The following ARL1 variants were observed in gnomAD, a reference collection of about 807,000 sequenced individuals.
The protein encoded by ARL1 is ARF like GTPase 1, also known as ADP-ribosylation factor-like protein 1.
ARL1 carries 17 observed loss-of-function variants against 30.1 expected under a neutral mutation model. The observed-to-expected ratio is 0.56, with a 90% CI of 0.39 to 0.85. ARL1 has a LOEUF of 0.85. Among genes scored for constraint, ARL1 ranks in the 40% least tolerant of loss-of-function variants. The probability of loss-of-function intolerance (pLI) is 0.00; values close to 1 mark genes in which losing one functional copy is unlikely to be tolerated. For synonymous variants in ARL1, 58 were observed against 71.7 expected (o/e 0.81, Z 0.97); for missense variants, 102 against 212.6 (o/e 0.48, Z 3.24).
At chr12:101,405,151 G>A (rs1871404569) in intron 2 of ARL1, among the ~76,000 whole-genome samples, 1 of 152,166 alleles carries the variant, frequency 6.6e-6, no homozygotes, top group South Asian at 2.1e-4. Flanking sequence ...CATTACAGGC[G>A]TGAGCTCCTG....
Position 101,396,594 on chromosome 12 carries a change from A to C in ARL1, c.337-17T>G. ...CTCTTCTTCCTAAATGAAATTGAAA[A>C]TATTTAATTTCTTTTAACTAATGTG... is the stretch of plus-strand genomic sequence containing the variant. On this transcript the variant is annotated splice_polypyrimidine_tract_variant and intron_variant, in intron 4 of 5. Coordinates refer to ENST00000261636, the MANE Select transcript of ARL1 (RefSeq NM_001177.6). 1 of 1,601,080 alleles carries C rather than the reference A, an allele frequency of 6.2e-7. No individual in the cohort carries two copies. The highest frequency in any genetic ancestry group is 8.5e-7 in the Non-Finnish European group (1 of 1,171,630).
intron 4 of ARL1, 151 bp downstream of exon 4, chr12:101,400,911 A>T: frequency 1.6e-6 from 1 of 621,432 alleles, no homozygotes; most frequent in Middle Eastern, 4.3e-4. Flanking sequence ...AACCCTCCTC[A>T]ACTGTATTTT....
intron 2 of ARL1, 111 bp downstream of exon 2, chr12:101,405,733 T>G: frequency 8.4e-7 from 1 of 1,192,894 alleles, no homozygotes; most frequent in Non-Finnish European, 1.1e-6. Flanking sequence ...TTGGACAACA[T>G]AGTGATGATA....
rs374082637 is a variant in ARL1 at position 101,405,990 on chromosome 12, T to C, written c.5-9A>G. The stretch of plus-strand genomic sequence containing the variant: ...ACTTGAGAAAAAGCCACCTAAAAAA[T>C]AATAAAAGAAAAAACATACACAATG... On this transcript the variant is annotated splice_polypyrimidine_tract_variant and intron_variant, in intron 1 of 5. Transcript: ENST00000261636. 67 of 1,548,260 alleles carry C rather than the reference T, an allele frequency of 4.3e-5. No homozygotes were observed. The highest frequency in any genetic ancestry group is 5.7e-5 in the Non-Finnish European group (65 of 1,147,530).
At chr12:101,404,303 G>C (rs1263602205) in intron 2 of ARL1, among the ~76,000 whole-genome samples, 3 of 152,068 alleles carry the variant, frequency 2.0e-5, no homozygotes, top group Non-Finnish European at 2.9e-5. Context: ...CTTGAGCCCA[G>C]GAGGTAGAGG....
At position 101,394,239 on chromosome 12, in the gene ARL1, G is replaced by A. The variant is rs1250018118; in HGVS notation, c.*1401C>T. The A allele has an allele frequency of 6.6e-6, 1 of 152,132 alleles. No homozygotes were observed. The highest frequency in any genetic ancestry group is 2.4e-5 in the African/African-American group (1 of 41,432). The allele number at this position is 152,132 out of a possible 1,614,324, so 9.4% of individuals were successfully genotyped here. On this transcript the variant is annotated 3_prime_UTR_variant, in exon 6 of 6. Coordinates refer to ENST00000261636, the MANE Select transcript of ARL1 (RefSeq NM_001177.6). ...AGGCCAACACTGGAAGGACAGTGAG[G>A]GCCAAGAAAGGAACTACTAATGTTT...
intron 1 of ARL1, chr12:101,407,293 T>C (rs1295296692): frequency 3.2e-6 from 1 of 314,360 alleles, no homozygotes; most frequent in African/African-American, 2.1e-5. Flanking sequence ...ACTGACGCGT[T>C]GCCAGCCTCC....
intron 4 of ARL1, among the ~76,000 whole-genome samples, chr12:101,399,853 T>C (rs1057205437): frequency 1.3e-5 from 2 of 152,228 alleles, no homozygotes; most frequent in African/African-American, 4.8e-5. Flanking sequence ...CTATACATTG[T>C]TCCTCCTATC....
chr12:101,404,503 C>G (rs1871386545), intron 2 of ARL1, among the ~76,000 whole-genome samples: 1 of 152,172 alleles, frequency 6.6e-6, no homozygotes, highest in African/African-American at 2.4e-5. Context: ...GAAGCAAAAA[C>G]TAAGGGCACT....
chr12:101,394,810 G>A lies in ARL1; in HGVS notation c.*830C>T, dbSNP rs1226177491. ...TTTTATTTAAGAGTTAGACTGTGTT[G>A]TCAATACTGACATTTTTGGGAATAT... On this transcript the variant is annotated 3_prime_UTR_variant, in exon 6 of 6. Transcript: ENST00000261636. 1 of 152,098 alleles carries A rather than the reference G, an allele frequency of 6.6e-6. No individual in the cohort carries two copies. The highest frequency in any genetic ancestry group is 1.9e-4 in the East Asian group (1 of 5,196). The allele number at this position is 152,098 out of a possible 1,614,324, so 9.4% of individuals were successfully genotyped here. A position where few individuals can be genotyped will look rare whatever the true frequency, so the allele number is the denominator to read the frequency against.
rs1593468137 is a variant in ARL1, at chr12:101,405,712, C to G, written c.142+132G>C. On this transcript the variant is annotated intron_variant, in intron 2 of 5. Coordinates refer to ENST00000261636, the MANE Select transcript of ARL1 (RefSeq NM_001177.6). ...AGGAGGATCACTTGAGGCCAAGAGT[C>G]TAAGACCAGCTTGGACAACATAGTG... is the stretch of plus-strand genomic sequence containing the variant. The G allele has an allele frequency of 3.9e-6, 4 of 1,013,696 alleles. No individual in the cohort carries two copies. The South Asian group carries it at 1.2e-4, about 32-fold the overall frequency. 62.8% of individuals were successfully genotyped at this position (1,013,696 alleles called of 1,614,324 possible).
intron 4 of ARL1, 21 bp from the exon 5 acceptor site, chr12:101,396,598 T>G (rs1201346744): frequency 3.1e-6 from 5 of 1,596,826 alleles, no homozygotes; most frequent in Non-Finnish European, 4.3e-6. Context: ...TTGAAAATAT[T>G]TAATTTCTTT....
Position 101,407,462 on chromosome 12 carries a change from G to C in ARL1, c.4+180C>G, listed in dbSNP as rs995101285. The C allele has an allele frequency of 1.1e-5, 8 of 748,248 alleles. No individual in the cohort carries two copies. In the African/African-American group the frequency reaches 1.2e-4, roughly 12 times the overall value. 46.4% of individuals were successfully genotyped at this position (748,248 alleles called of 1,614,324 possible). On this transcript the variant is annotated intron_variant, in intron 1 of 5. Transcript: ENST00000261636. Reference sequence around the variant, plus strand: ...GAACCGAGAGAGGACGGAGGAGAACGCGAGAGGCCGGATCCACCCCTACAG... The same window carrying C: ...GAACCGAGAGAGGACGGAGGAGAACCCGAGAGGCCGGATCCACCCCTACAG...
chr12:101,398,282 G>C (rs1031215069), intron 4 of ARL1, among the ~76,000 whole-genome samples: 17 of 151,480 alleles, frequency 1.1e-4, no homozygotes, highest in African/African-American at 3.6e-4. Flanking sequence ...TGCAATCCCA[G>C]CTACTCAGGA....
Position 101,407,763 on chromosome 12 carries a change from C to G in ARL1, c.-118G>C, listed in dbSNP as rs1849478009. On this transcript the variant is annotated 5_prime_UTR_variant, in exon 1 of 6. Coordinates refer to ENST00000261636, the MANE Select transcript of ARL1 (RefSeq NM_001177.6). Reference sequence around the variant, plus strand: ...AGCAACTTCCACGTCGGACTCCAGGCGGGGGCGGGAGCGAGGGTCAGCTGC... The same window carrying G: ...AGCAACTTCCACGTCGGACTCCAGGGGGGGGCGGGAGCGAGGGTCAGCTGC... 1 of 1,483,714 alleles carries G rather than the reference C, an allele frequency of 6.7e-7. No homozygotes were observed. Among genetic ancestry groups the G allele is most frequent in the Admixed American group, 1.7e-5 (1 of 59,418 alleles). The allele number at this position is 1,483,714 out of a possible 1,614,324, so 91.9% of individuals were successfully genotyped here. A position where few individuals can be genotyped will look rare whatever the true frequency, so the allele number is the denominator to read the frequency against.
chr12:101,405,127 T>C (rs1248981636), intron 2 of ARL1, among the ~76,000 whole-genome samples: 1 of 152,190 alleles, frequency 6.6e-6, no homozygotes, highest in Admixed American at 6.5e-5. Context: ...CGCCTTGGCC[T>C]CCCAAAGTGC....
chr12:101,395,356 A>T lies in ARL1; in HGVS notation c.*284T>A, dbSNP rs964291777. ...TCATCCAATAGGAGTATACTCTTTAATAGAACTGTATTTGAATAAGAATTC... is the reference window on the plus strand; with the variant it reads ...TCATCCAATAGGAGTATACTCTTTATTAGAACTGTATTTGAATAAGAATTC... On this transcript the variant is annotated 3_prime_UTR_variant, in exon 6 of 6. Transcript: ENST00000261636. 11 of 332,196 alleles carry T rather than the reference A, an allele frequency of 3.3e-5. No individual in the cohort carries two copies. Among genetic ancestry groups the T allele is most frequent in the African/African-American group, 2.3e-4 (11 of 47,062 alleles). 20.6% of individuals were successfully genotyped at this position (332,196 alleles called of 1,614,324 possible).
Position 101,402,915 on chromosome 12 carries a change from G to C in ARL1, c.174C>G (p.Tyr58Ter), listed in dbSNP as rs1871343274. 6.2e-7 allele frequency: 1 copy of C among 1,613,070 alleles called. No homozygotes were observed. ...CCCAGACTTGGAATTTAAGGTTTTTGTACGTCACCGTCTCTACATTAAATC... is the reference window on the plus strand; with the variant it reads ...CCCAGACTTGGAATTTAAGGTTTTTCTACGTCACCGTCTCTACATTAAATC... ...TIGFNVETVT[Y>*]KNLKFQVWDL... Residue 58 changes from tyrosine to a stop codon, truncating the protein, a stop_gained, in exon 3 of 6, where the codon TAC becomes TAG. Coordinates refer to ENST00000261636, the MANE Select transcript of ARL1 (RefSeq NM_001177.6). LOFTEE classifies it high-confidence loss of function.
intron 2 of ARL1, 79 bp from the exon 3 acceptor site, chr12:101,403,025 G>GC: frequency 1.3e-6 from 1 of 788,352 alleles, no homozygotes; most frequent in Non-Finnish European, 2.0e-6. Context: ...TTGAGTTACA[G>GC]CAATTAATGG....
Sources: gnomAD v4.1 joint callset for allele counts (sites outside exome capture counted in the v4.1 genomes callset) on GRCh38, gnomAD v4.1.1 for gene constraint, MANE v1.5 for transcripts, NCBI Gene and HGNC (gene_info 2026-07-23, HGNC 2026-07-21) for gene names.